Variants in SFI1 observed in about 807,000 individuals in gnomAD.
SFI1 encodes the protein protein SFI1 homolog.
A neutral mutation model predicts 207.5 loss-of-function variants in SFI1; 195 were observed. The observed-to-expected ratio is 0.94, with a 90% CI of 0.84 to 1.06. SFI1 has a LOEUF of 1.06. Among genes scored for constraint, SFI1 ranks in the 50% least tolerant of loss-of-function variants. The pLI, the probability that SFI1 is intolerant of heterozygous loss-of-function variation, is 0.00. For synonymous variants in SFI1, 630 were observed against 598.9 expected, an observed-to-expected ratio of 1.05 and a Z score of -0.76; for missense variants, 1,634 against 1,588.0, an observed-to-expected ratio of 1.03 and a Z score of -0.49.
intron 2 of SFI1, among the ~76,000 whole-genome samples, chr22:31,513,562 G>A (rs1160226888): frequency 2.2e-4 from 1 of 4,462 alleles, no homozygotes; most frequent in Non-Finnish European, 7.5e-4. Context: ...TTGGTTTTTC[G>A]TTTTGTTTTG....
chr22:31,513,561 C>CGTTTTGTTTTGTTGT (rs2055960713), intron 2 of SFI1, among the ~76,000 whole-genome samples: 1 of 146,008 alleles, frequency 6.8e-6, no homozygotes, highest in Non-Finnish European at 1.5e-5. Flanking sequence ...TTTGGTTTTT[C>CGTTTTGTTTTGTTGT]GTTTTGTTTT....
chr22:31,566,694 T>G (rs1005111728), intron 8 of SFI1, among the ~76,000 whole-genome samples: 4 of 152,240 alleles, frequency 2.6e-5, no homozygotes, highest in African/African-American at 9.6e-5. Context: ...ATCCAGTTAT[T>G]AATATACTCA....
intron 14 of SFI1, among the ~76,000 whole-genome samples, chr22:31,589,202 ATGTG>A (rs1198754526): frequency 1.0e-5 from 1 of 98,038 alleles, no homozygotes; most frequent in African/African-American, 3.8e-5. Flanking sequence ...GAGTGTGTGT[ATGTG>A]TGTGCGTGTG....
intron 4 of SFI1, among the ~76,000 whole-genome samples, chr22:31,546,307 A>G (rs1429143726): frequency 6.6e-6 from 1 of 151,552 alleles, no homozygotes; most frequent in East Asian, 2.0e-4. Context: ...CCTGGCCTCT[A>G]TTTTTAATCT....
chr22:31,573,248 G>A, intron 9 of SFI1, 34 bp downstream of exon 9: 1 of 1,607,522 alleles, frequency 6.2e-7, no homozygotes, highest in Non-Finnish European at 8.5e-7. Context: ...CGAGATAGAG[G>A]ATCTGGTCAC....
At chr22:31,511,100 C>G (rs2055431205) in intron 2 of SFI1, among the ~76,000 whole-genome samples, 1 of 152,092 alleles carries the variant, frequency 6.6e-6, no homozygotes, top group South Asian at 2.1e-4. Context: ...GGAGAGAGAA[C>G]TGTTTGAGAC....
intron 11 of SFI1, among the ~76,000 whole-genome samples, chr22:31,579,624 A>G (rs961506838): frequency 2.0e-5 from 3 of 151,926 alleles, no homozygotes; most frequent in African/African-American, 7.3e-5. Context: ...CTAATTTTTT[A>G]GTTTTTTTAT....
At chr22:31,557,354 T>C (rs2061268923) in intron 7 of SFI1, among the ~76,000 whole-genome samples, 1 of 151,882 alleles carries the variant, frequency 6.6e-6, no homozygotes, top group African/African-American at 2.4e-5. Context: ...AATGTTTTTT[T>C]TTTTTTCATT....
intron 15 of SFI1, among the ~76,000 whole-genome samples, chr22:31,593,078 G>C (rs2066358929): frequency 6.9e-6 from 1 of 144,536 alleles, no homozygotes; most frequent in Admixed American, 6.7e-5. Context: ...TGGCCGGGCG[G>C]GGGGGCTGAC....
At chr22:31,500,490 T>C (rs2053561463) in intron 1 of SFI1, among the ~76,000 whole-genome samples, 1 of 152,154 alleles carries the variant, frequency 6.6e-6, no homozygotes, top group Non-Finnish European at 1.5e-5. Flanking sequence ...GACAGTTTCA[T>C]CTCATCACCC....
chr22:31,605,571 T>G (rs892728501), intron 20 of SFI1: 1 of 152,442 alleles, frequency 6.6e-6, no homozygotes, highest in Admixed American at 6.5e-5. Context: ...TTTAAACACC[T>G]CCATCCTTAG....
At chr22:31,528,884 C>A in intron 3 of SFI1, 21 bp downstream of exon 3, 1 of 1,602,352 alleles carries the variant, frequency 6.2e-7, no homozygotes, top group Non-Finnish European at 8.5e-7. Flanking sequence ...GAGTGGCCAC[C>A]AGTCTATGGG....
At chr22:31,606,110 T>G in intron 20 of SFI1, 1 of 550,466 alleles carries the variant, frequency 1.8e-6, no homozygotes, top group South Asian at 2.2e-5. Context: ...CAGTGCTGGG[T>G]CCCTCATGCA....
chr22:31,611,518 T>A (rs781776538), intron 23 of SFI1, among the ~76,000 whole-genome samples: 2 of 152,152 alleles, frequency 1.3e-5, no homozygotes, highest in Non-Finnish European at 2.9e-5. Context: ...ATCCAGTGTC[T>A]CCCAGGGAAG....
chr22:31,561,543 A>G (rs2061703939), intron 8 of SFI1, 151 bp downstream of exon 8: 1 of 641,242 alleles, frequency 1.6e-6, no homozygotes, highest in Non-Finnish European at 2.6e-6. Flanking sequence ...TTCCAGAGGG[A>G]GGCTGCTGTT....
At position 31,573,312 on chromosome 22, in the gene SFI1, C is replaced by T. The variant is rs367736681; in HGVS notation, c.922+98C>T. ...TGTACTAAGAAGTAATATAATGGTG[C>T]TACTCCAGAAATTTTGGTAAAAGGA... On this transcript the variant is annotated intron_variant, in intron 9 of 32. Transcript: ENST00000400288. 15 of 1,298,458 alleles carry T rather than the reference C, an allele frequency of 1.2e-5. No homozygotes were observed. The African/African-American group carries it at 2.1e-4, about 18-fold the overall frequency. The allele number at this position is 1,298,458 out of a possible 1,614,324, so 80.4% of individuals were successfully genotyped here.
chr22:31,497,513 C>G (rs887360385), intron 1 of SFI1, among the ~76,000 whole-genome samples: 1 of 152,132 alleles, frequency 6.6e-6, no homozygotes, highest in Admixed American at 6.6e-5. Flanking sequence ...CACTACCTGC[C>G]AGTTCCCTGT....
intron 4 of SFI1, among the ~76,000 whole-genome samples, chr22:31,543,265 T>A (rs1047943559): frequency 4.6e-5 from 7 of 152,092 alleles, no homozygotes; most frequent in Non-Finnish European, 7.4e-5. Context: ...CTAATTTTTT[T>A]AAAAAGATAC....
intron 1 of SFI1, among the ~76,000 whole-genome samples, chr22:31,500,535 G>A (rs2053567460): frequency 6.6e-6 from 1 of 151,994 alleles, no homozygotes; most frequent in African/African-American, 2.4e-5. Context: ...TTGGCTCACT[G>A]CAACCTCTGC....
Sources: allele counts gnomAD v4.1 joint callset (sites outside exome capture counted in the v4.1 genomes callset), GRCh38; gene constraint gnomAD v4.1.1; transcripts MANE v1.5; gene names NCBI Gene and HGNC (gene_info 2026-07-23, HGNC 2026-07-21).